The following SIPA1L2 variants were observed in gnomAD, a reference collection of about 807,000 sequenced individuals.
SIPA1L2 encodes signal induced proliferation associated 1 like 2.
Under a neutral mutation model 163.9 loss-of-function variants are expected in SIPA1L2, and 56 were observed. The observed-to-expected ratio is 0.34, with a 90% CI of 0.28 to 0.43. The LOEUF (loss-of-function observed/expected upper bound fraction) is 0.43. Among genes scored for constraint, SIPA1L2 ranks in the 20% least tolerant of loss-of-function variants. SIPA1L2 has a pLI of 1.00. For missense variants in SIPA1L2, 1,974 were observed against 2,193.5 expected (o/e 0.90, Z 2.00); for synonymous variants, 877 against 865.7 (o/e 1.01, Z -0.23).
At chr1:232,501,118 C>T (rs1292233244) in intron 3 of SIPA1L2, among the ~76,000 whole-genome samples, 1 of 123,564 alleles carries the variant, frequency 8.1e-6, no homozygotes, top group East Asian at 2.8e-4. Flanking sequence ...AGTGCAGTGG[C>T]GCAATCTTGG....
At chr1:232,448,718 T>C (rs1471087400) in intron 10 of SIPA1L2, among the ~76,000 whole-genome samples, 1 of 152,136 alleles carries the variant, frequency 6.6e-6, no homozygotes, top group Non-Finnish European at 1.5e-5. Context: ...GCAGGGACGG[T>C]AAGCACCAAG....
rs1294775833 is a variant in SIPA1L2 at position 232,594,715 on chromosome 1, C to T, written c.-318-20493G>A. 4.6e-5 allele frequency among the ~76,000 whole-genome samples: 7 copies of T among 152,050 alleles called. No individual in the cohort carries two copies. The East Asian group carries it at 9.6e-4, about 21-fold the overall frequency. ...CACCAAAGTTTTTCCAGTTCAACAACCCTAAAAAGTCCTAGTCTCTAAATT... is the reference window on the plus strand; with the variant it reads ...CACCAAAGTTTTTCCAGTTCAACAATCCTAAAAAGTCCTAGTCTCTAAATT... On this transcript the variant is annotated intron_variant, in intron 1 of 22. Transcript: ENST00000674635.
chr1:232,415,415 T>G, intron 19 of SIPA1L2, 79 bp downstream of exon 19: 2 of 1,472,690 alleles, frequency 1.4e-6, no homozygotes, highest in Non-Finnish European at 1.8e-6. Flanking sequence ...ACAGACGGGC[T>G]CCCCTAAGAT....
intron 3 of SIPA1L2, among the ~76,000 whole-genome samples, chr1:232,509,405 T>C (rs576373962): frequency 6.6e-6 from 1 of 152,082 alleles, no homozygotes; most frequent in South Asian, 2.1e-4. Context: ...CAGAACAAAA[T>C]AAAAGCACTC....
intron 3 of SIPA1L2, among the ~76,000 whole-genome samples, chr1:232,497,792 A>ATTCTG (rs1216575673): frequency 1.3e-5 from 2 of 152,046 alleles, no homozygotes; most frequent in Non-Finnish European, 2.9e-5. Context: ...CTCCAGCTTG[A>ATTCTG]TTCTGTCTCT....
chr1:232,429,788 C>T (rs1662119204), intron 16 of SIPA1L2, among the ~76,000 whole-genome samples: 1 of 152,118 alleles, frequency 6.6e-6, no homozygotes, highest in Admixed American at 6.5e-5. Flanking sequence ...AGACTGCATC[C>T]AAGAAGCGCC....
At chr1:232,572,497 AC>A (rs771474105) in intron 2 of SIPA1L2, among the ~76,000 whole-genome samples, 1 of 151,780 alleles carries the variant, frequency 6.6e-6, no homozygotes, top group Non-Finnish European at 1.5e-5. Flanking sequence ...GTCTGTGTCT[AC>A]TGTTCTCTCC....
intron 17 of SIPA1L2, 93 bp from the exon 18 acceptor site, chr1:232,425,901 T>A (rs1426824353): frequency 9.2e-7 from 1 of 1,089,574 alleles, no homozygotes; most frequent in Non-Finnish European, 1.3e-6. Context: ...TCACATACTA[T>A]TGTGATAGCT....
At chr1:232,600,633 C>T (rs1035438178) in intron 1 of SIPA1L2, among the ~76,000 whole-genome samples, 4 of 152,124 alleles carry the variant, frequency 2.6e-5, no homozygotes, top group African/African-American at 9.7e-5. Flanking sequence ...AATTAAGGAG[C>T]GTGCCTGTTG....
intron 21 of SIPA1L2, 72 bp downstream of exon 21, chr1:232,403,376 A>C: frequency 6.4e-7 from 1 of 1,561,458 alleles, no homozygotes; most frequent in Non-Finnish European, 8.7e-7. Flanking sequence ...GCTCAGGGTT[A>C]GTCGGTTAGC....
At chr1:232,495,804 T>C (rs181779401) in intron 3 of SIPA1L2, among the ~76,000 whole-genome samples, 1 of 152,218 alleles carries the variant, frequency 6.6e-6, no homozygotes, top group Admixed American at 6.5e-5. Flanking sequence ...ATCCAACATA[T>C]TACTCAAAGC....
At chr1:232,477,541 G>A (rs1665107599) in intron 7 of SIPA1L2, among the ~76,000 whole-genome samples, 1 of 152,124 alleles carries the variant, frequency 6.6e-6, no homozygotes, top group African/African-American at 2.4e-5. Flanking sequence ...CAGCTTTCTC[G>A]AGTTTGGAAT....
At chr1:232,406,891 G>A (rs1210592277) in intron 19 of SIPA1L2, among the ~76,000 whole-genome samples, 1 of 152,202 alleles carries the variant, frequency 6.6e-6, no homozygotes, top group Non-Finnish European at 1.5e-5. Context: ...TGTTAGAACT[G>A]CAAACTAAAG....
intron 1 of SIPA1L2, among the ~76,000 whole-genome samples, chr1:232,604,479 T>G (rs1661784247): frequency 6.6e-6 from 1 of 152,224 alleles, no homozygotes; most frequent in African/African-American, 2.4e-5. Flanking sequence ...TTCACAAGCA[T>G]TATCAGAATC....
intron 10 of SIPA1L2, among the ~76,000 whole-genome samples, chr1:232,449,343 C>A (rs145017499): frequency 8.7e-4 from 132 of 151,172 alleles, no homozygotes; most frequent in Non-Finnish European, 1.5e-3. Flanking sequence ...ATGGTGAAAC[C>A]CCGTCTCTAC....
Position 232,572,710 on chromosome 1 carries a change from TATATATAC to T in SIPA1L2, c.-270+1456_-270+1463del, listed in dbSNP as rs1558277300. On this transcript the variant is annotated intron_variant, in intron 2 of 22. Coordinates refer to ENST00000674635, the MANE Select transcript of SIPA1L2 (RefSeq NM_020808.5). ...ATATACATACATATATATATATATA[TATATATAC>T]ACACATATATACATACATACATATA... Among the ~76,000 whole-genome samples, 65 of 76,062 alleles carry T rather than the reference TATATATAC, an allele frequency of 8.5e-4. 1 individual carries two copies. The highest frequency in any genetic ancestry group is 2.9e-3 in the African/African-American group (62 of 21,030). 49.9% of individuals were successfully genotyped at this position (76,062 alleles called of 152,430 possible). A position where few individuals can be genotyped will look rare whatever the true frequency, so the allele number is the denominator to read the frequency against.
At chr1:232,444,605 C>G (rs1236966889) in intron 11 of SIPA1L2, among the ~76,000 whole-genome samples, 1 of 152,174 alleles carries the variant, frequency 6.6e-6, no homozygotes, top group Non-Finnish European at 1.5e-5. Context: ...ATAAGCTTAT[C>G]AATTAATTCT....
At chr1:232,570,394 C>G (rs1245759137) in intron 2 of SIPA1L2, among the ~76,000 whole-genome samples, 1 of 152,142 alleles carries the variant, frequency 6.6e-6, no homozygotes, top group African/African-American at 2.4e-5. Flanking sequence ...TATGCCGTCT[C>G]CTCGGTTCTG....
At chr1:232,543,148 G>T (rs947380997) in intron 2 of SIPA1L2, among the ~76,000 whole-genome samples, 1 of 152,224 alleles carries the variant, frequency 6.6e-6, no homozygotes, top group Non-Finnish European at 1.5e-5. Flanking sequence ...ATGCTGCTAT[G>T]TAAATCGAAT....
Sources: gnomAD v4.1 joint callset for allele counts (sites outside exome capture counted in the v4.1 genomes callset) on GRCh38, gnomAD v4.1.1 for gene constraint, MANE v1.5 for transcripts, NCBI Gene and HGNC (gene_info 2026-07-23, HGNC 2026-07-21) for gene names.